TMEM8B: variants seen among roughly 807,000 people sequenced by gnomAD.
The protein encoded by TMEM8B is nasopharyngeal carcinoma expressed 6.
Under a neutral mutation model 49.3 loss-of-function variants are expected in TMEM8B, and 29 were observed. That is an observed-to-expected ratio of 0.59 (90% confidence interval 0.44 to 0.80). The LOEUF is 0.80. TMEM8B is among the 30% of genes least tolerant of loss of function. TMEM8B has a pLI of 0.00. For synonymous variants in TMEM8B, 264 were observed against 272.8 expected, an observed-to-expected ratio of 0.97 and a Z score of 0.32; for missense variants, 575 against 658.5, an observed-to-expected ratio of 0.87 and a Z score of 1.39.
intron 6 of TMEM8B, chr9:35,845,698 G>A: frequency 1.0e-6 from 1 of 985,420 alleles, no homozygotes; most frequent in Non-Finnish European, 1.2e-6. Context: ...GTTCTCTCTT[G>A]CTTGGACAGA....
In TMEM8B at chr9:35,860,661, T is replaced by G. The variant is rs1832634521; in HGVS notation, c.*6821T>G. 1 of 151,834 alleles carries G rather than the reference T, an allele frequency of 6.6e-6. No homozygotes were observed. The highest frequency in any genetic ancestry group is 2.4e-5 in the African/African-American group (1 of 41,342). The allele number at this position is 151,834 out of a possible 1,614,324, so 9.4% of individuals were successfully genotyped here. ...CCTTAAGGAATCATGGACCATTCAT[T>G]ATTTTGTTTAAAAGGACACATAAGA... On this transcript the variant is annotated 3_prime_UTR_variant, in exon 13 of 13. Transcript: ENST00000643932.
intron 10 of TMEM8B, among the ~76,000 whole-genome samples, chr9:35,850,183 A>G (rs911076642): frequency 6.6e-6 from 1 of 152,218 alleles, no homozygotes; most frequent in African/African-American, 2.4e-5. Flanking sequence ...TATAGTCCAC[A>G]TTCTGCAGTG....
At position 35,829,237 on chromosome 9, in the gene TMEM8B, T is replaced by A. The variant is rs909253064; in HGVS notation, c.-211T>A. 7 of 342,486 alleles carry A rather than the reference T, an allele frequency of 2.0e-5. No homozygotes were observed. The highest frequency in any genetic ancestry group is 1.5e-4 in the South Asian group (1 of 6,602). 21.2% of individuals were successfully genotyped at this position (342,486 alleles called of 1,614,324 possible). A position where few individuals can be genotyped will look rare whatever the true frequency, so the allele number is the denominator to read the frequency against. Reference sequence around the variant, plus strand: ...CGGGGGGCGGGGCGTCACGCCGACGTCAAGTCGAGGCCGCCGCCGCGGGGC... The same window carrying A: ...CGGGGGGCGGGGCGTCACGCCGACGACAAGTCGAGGCCGCCGCCGCGGGGC... On this transcript the variant is annotated 5_prime_UTR_variant, in exon 1 of 13. Coordinates refer to ENST00000643932, the MANE Select transcript of TMEM8B (RefSeq NM_001042590.4).
chr9:35,836,185 G>A (rs141328683), intron 3 of TMEM8B, among the ~76,000 whole-genome samples: 3 of 152,316 alleles, frequency 2.0e-5, no homozygotes, highest in African/African-American at 7.2e-5. Context: ...TGGGAAGTAG[G>A]GCTGAGGTAG....
Position 35,841,497 on chromosome 9 carries a change from T to C in TMEM8B, c.1041-29T>C, listed in dbSNP as rs1238192523. On this transcript the variant is annotated intron_variant, in intron 4 of 12. Coordinates refer to ENST00000643932, the MANE Select transcript of TMEM8B (RefSeq NM_001042590.4). The surrounding 1 kb of genome is among the most constrained non-coding windows in gnomAD (Gnocchi z 5.9). ...TGTTCCTCTCGCCTCTGTTTGTGCC[T>C]TCTTACCCCCAACCTCTCCTCTGCC... is the stretch of plus-strand genomic sequence containing the variant. The C allele has an allele frequency of 7.2e-6, 3 of 416,482 alleles. No homozygotes were observed. The highest frequency in any genetic ancestry group is 1.3e-5 in the Non-Finnish European group (3 of 227,462). The allele number at this position is 416,482 out of a possible 1,614,324, so 25.8% of individuals were successfully genotyped here. A position where few individuals can be genotyped will look rare whatever the true frequency, so the allele number is the denominator to read the frequency against.
chr9:35,837,656 A>G (rs1046836060), intron 3 of TMEM8B, among the ~76,000 whole-genome samples: 3 of 152,188 alleles, frequency 2.0e-5, no homozygotes, highest in Non-Finnish European at 4.4e-5. Flanking sequence ...CGTGAACTCT[A>G]GTCCCACACT....
chr9:35,837,188 T>G (rs1272442154), intron 3 of TMEM8B, among the ~76,000 whole-genome samples: 1 of 152,162 alleles, frequency 6.6e-6, no homozygotes, highest in African/African-American at 2.4e-5. Flanking sequence ...GAAGGCAGTG[T>G]GTTTCTAGGG....
At position 35,858,960 on chromosome 9, in the gene TMEM8B, G is replaced by T. The variant is rs770375347; in HGVS notation, c.*5120G>T. Reference sequence around the variant, plus strand: ...TCAGGAGCAAGAAACAAACCTTAATGGCTTTAAGCCTCTCAAGGTTTGAGG... The same window carrying T: ...TCAGGAGCAAGAAACAAACCTTAATTGCTTTAAGCCTCTCAAGGTTTGAGG... On this transcript the variant is annotated 3_prime_UTR_variant, in exon 13 of 13. Coordinates refer to ENST00000643932, the MANE Select transcript of TMEM8B (RefSeq NM_001042590.4). 2 of 152,612 alleles carry T rather than the reference G, an allele frequency of 1.3e-5. No homozygotes were observed. The highest frequency in any genetic ancestry group is 2.9e-5 in the Non-Finnish European group (2 of 68,062). 9.5% of individuals were successfully genotyped at this position (152,612 alleles called of 1,614,324 possible). A position where few individuals can be genotyped will look rare whatever the true frequency, so the allele number is the denominator to read the frequency against.
At position 35,861,308 on chromosome 9, in the gene TMEM8B, G is replaced by A. The variant is rs748509290; in HGVS notation, c.*7468G>A. On this transcript the variant is annotated 3_prime_UTR_variant, in exon 13 of 13. Coordinates refer to ENST00000643932, the MANE Select transcript of TMEM8B (RefSeq NM_001042590.4). The stretch of plus-strand genomic sequence containing the variant: ...TTTTCCCAGCTCCGCACCTTTGTCC[G>A]AGATGGAGGCGTGTCCTCCCGCCCA... 6.6e-6 allele frequency: 1 copy of A among 152,312 alleles called. No individual in the cohort carries two copies. The highest frequency in any genetic ancestry group is 1.5e-5 in the Non-Finnish European group (1 of 68,110). The allele number at this position is 152,312 out of a possible 1,614,324, so 9.4% of individuals were successfully genotyped here. A position where few individuals can be genotyped will look rare whatever the true frequency, so the allele number is the denominator to read the frequency against.
chr9:35,846,669 T>C, intron 9 of TMEM8B, 58 bp downstream of exon 9: 1 of 1,559,860 alleles, frequency 6.4e-7, no homozygotes, highest in Non-Finnish European at 8.7e-7. Context: ...CTGCTGGGCC[T>C]GTGGGCAGGC....
chr9:35,832,168 G>GGT (rs34044138), intron 1 of TMEM8B, among the ~76,000 whole-genome samples: 48,722 of 146,642 alleles, frequency 0.33, 8,028 homozygotes, highest in Middle Eastern at 0.48. Context: ...TAGGTGTAGG[G>GGT]GTGTGTGTGT....
In TMEM8B at chr9:35,862,259, G is replaced by C. The variant is rs1163538334; in HGVS notation, c.*8419G>C. On this transcript the variant is annotated 3_prime_UTR_variant, in exon 13 of 13. Transcript: ENST00000643932. ...TGGACACCTCCCCCTCCTCTCTCCAGGCTTTAGATCTCTGAGATTCTCTCT... is the reference window on the plus strand; with the variant it reads ...TGGACACCTCCCCCTCCTCTCTCCACGCTTTAGATCTCTGAGATTCTCTCT... The C allele has an allele frequency of 6.6e-6, 1 of 152,200 alleles. No homozygotes were observed. The highest frequency in any genetic ancestry group is 1.5e-5 in the Non-Finnish European group (1 of 68,052). 9.4% of individuals were successfully genotyped at this position (152,200 alleles called of 1,614,324 possible).
In TMEM8B at chr9:35,856,706, C is replaced by T. The variant is rs1339582553; in HGVS notation, c.*2866C>T. 6.6e-6 allele frequency: 1 copy of T among 152,222 alleles called. No individual in the cohort carries two copies. Among genetic ancestry groups the T allele is most frequent in the African/African-American group, 2.4e-5 (1 of 41,408 alleles). 9.4% of individuals were successfully genotyped at this position (152,222 alleles called of 1,614,324 possible). A position where few individuals can be genotyped will look rare whatever the true frequency, so the allele number is the denominator to read the frequency against. ...ATTTAAGAGCTGTTAGGAGTGAACT[C>T]TTTAGGACTTGGTGACTGATTGGGT... is the stretch of plus-strand genomic sequence containing the variant. On this transcript the variant is annotated 3_prime_UTR_variant, in exon 13 of 13. Transcript: ENST00000643932.
In TMEM8B at chr9:35,846,390, T is replaced by G. The variant is rs777026915; in HGVS notation, c.1853+9T>G. On this transcript the variant is annotated intron_variant, in intron 8 of 12. Transcript: ENST00000643932. ...TGCGGGGTGGGGCCTCGGTGAGCGG[T>G]GCGGGGCGGGGCCAGGGCTGGGACC... 6 of 1,609,964 alleles carry G rather than the reference T, an allele frequency of 3.7e-6. No individual in the cohort carries two copies. Among genetic ancestry groups the G allele is most frequent in the Non-Finnish European group, 5.1e-6 (6 of 1,178,058 alleles).
chr9:35,837,862 T>C (rs1885371), intron 3 of TMEM8B, among the ~76,000 whole-genome samples: 57,003 of 151,888 alleles, frequency 0.38, 10,966 homozygotes, highest in Middle Eastern at 0.52. Flanking sequence ...GTTGCCAGTC[T>C]GCTCTGGGGG....
chr9:35,847,247 C>A, intron 10 of TMEM8B: 2 of 1,116,518 alleles, frequency 1.8e-6, no homozygotes, highest in Non-Finnish European at 1.3e-6. Flanking sequence ...CTGTTCCACA[C>A]TCTGTCCACC....
rs772764095 is a variant in TMEM8B at position 35,842,491 on chromosome 9, C to T, written c.1409C>T (p.Ser470Phe). 1 of 1,604,736 alleles carries T rather than the reference C, an allele frequency of 6.2e-7. No homozygotes were observed. The highest frequency in any genetic ancestry group is 8.5e-7 in the Non-Finnish European group (1 of 1,173,570). ...GNQPLPPEPP[S>F]LGTPAEGPGT... is the part of the protein sequence containing the mutation. ...CAGCCACTGCCCCCAGAACCGCCATCCCTTGGAACCCCTGCGGAGGGGCCT... is the reference window on the plus strand; with the variant it reads ...CAGCCACTGCCCCCAGAACCGCCATTCCTTGGAACCCCTGCGGAGGGGCCT... The change falls in exon 6 of 13, where the codon TCC becomes TTC. Residue 470 changes from serine (S) to phenylalanine (F), a missense_variant. Transcript: ENST00000643932. This position sits in a 1 kb window ranked among gnomAD's most constrained non-coding sequence, Gnocchi z 5.6.
chr9:35,848,835 T>C (rs1052135592), intron 10 of TMEM8B, among the ~76,000 whole-genome samples: 2 of 151,910 alleles, frequency 1.3e-5, no homozygotes, highest in African/African-American at 4.8e-5. Context: ...CCACCACACC[T>C]AGCTAATTTT....
rs1163694250 is a variant in TMEM8B, at chr9:35,857,789, A to G, written c.*3949A>G. 6.6e-6 allele frequency: 1 copy of G among 152,262 alleles called. No individual in the cohort carries two copies. Among genetic ancestry groups the G allele is most frequent in the African/African-American group, 2.4e-5 (1 of 41,464 alleles). The allele number at this position is 152,262 out of a possible 1,614,324, so 9.4% of individuals were successfully genotyped here. A position where few individuals can be genotyped will look rare whatever the true frequency, so the allele number is the denominator to read the frequency against. On this transcript the variant is annotated 3_prime_UTR_variant, in exon 13 of 13. Coordinates refer to ENST00000643932, the MANE Select transcript of TMEM8B (RefSeq NM_001042590.4). ...ACTTCTGCATTTGGTGTTGGGCCTG[A>G]AGCTGTTACAGCTCAGCTGGGCCAG...
Sources: allele counts gnomAD v4.1 joint callset (sites outside exome capture counted in the v4.1 genomes callset), GRCh38; gene constraint gnomAD v4.1.1; non-coding constraint Gnocchi (gnomAD v3.1); transcripts MANE v1.5; gene names NCBI Gene and HGNC (gene_info 2026-07-23, HGNC 2026-07-21).